SLC25A21: variants seen among roughly 807,000 people sequenced by gnomAD.
SLC25A21 encodes the protein mitochondrial 2-oxodicarboxylate carrier.
In SLC25A21, 47 loss-of-function variants were observed where a neutral mutation model predicts 43.8. That is an observed-to-expected ratio of 1.07 (90% confidence interval 0.85 to 1.37). The LOEUF (loss-of-function observed/expected upper bound fraction) is 1.37, where lower values mean the gene tolerates loss of function less well. Among genes scored for constraint, SLC25A21 ranks in the 40% most tolerant of loss-of-function variants. The pLI, the probability that SLC25A21 is intolerant of heterozygous loss-of-function variation, is 0.00. For missense variants in SLC25A21, 352 were observed against 350.2 expected (o/e 1.00, Z -0.04); for synonymous variants, 131 against 121.3 (o/e 1.08, Z -0.52).
chr14:36,735,963 G>T (rs1184070592), intron 3 of SLC25A21, among the ~76,000 whole-genome samples: 2 of 111,504 alleles, frequency 1.8e-5, no homozygotes, highest in Non-Finnish European at 1.7e-5. Flanking sequence ...TTGAGACCGA[G>T]TCTCACTCTG....
chr14:36,743,459 G>C (rs776147871), intron 3 of SLC25A21, among the ~76,000 whole-genome samples: 1 of 151,944 alleles, frequency 6.6e-6, no homozygotes, highest in Non-Finnish European at 1.5e-5. Flanking sequence ...TCTATTTCTT[G>C]GACTCGGACT....
intron 1 of SLC25A21, among the ~76,000 whole-genome samples, chr14:37,043,940 G>GTTTTTTTTTTTTTTTT (rs59081965): frequency 1.8e-5 from 1 of 56,760 alleles, no homozygotes; most frequent in African/African-American, 6.9e-5. Context: ...ATGTTTTTTT[G>GTTTTTTTTTTTTTTTT]TTTTTTTTTT....
intron 5 of SLC25A21, among the ~76,000 whole-genome samples, chr14:36,729,297 T>C (rs549443079): frequency 6.6e-6 from 1 of 152,328 alleles, no homozygotes; most frequent in Admixed American, 6.5e-5. Flanking sequence ...TTTCCAGACA[T>C]ATCATTATTA....
intron 1 of SLC25A21, among the ~76,000 whole-genome samples, chr14:37,069,610 T>A (rs1387615239): frequency 6.6e-6 from 1 of 152,082 alleles, no homozygotes; most frequent in Non-Finnish European, 1.5e-5. Flanking sequence ...CAGAAGTAAA[T>A]CATGCAAGGA....
intron 1 of SLC25A21, among the ~76,000 whole-genome samples, chr14:36,945,276 T>C (rs1001033341): frequency 7.9e-5 from 12 of 152,164 alleles, no homozygotes; most frequent in African/African-American, 2.9e-4. Context: ...AAATACAAGT[T>C]GATACCATGT....
At chr14:37,105,045 T>C (rs897836788) in intron 1 of SLC25A21, among the ~76,000 whole-genome samples, 1 of 152,246 alleles carries the variant, frequency 6.6e-6, no homozygotes, top group Admixed American at 6.5e-5. Flanking sequence ...TTTTTCTTTA[T>C]GTTTTTATCA....
At chr14:37,018,499 T>C (rs1200664033) in intron 1 of SLC25A21, among the ~76,000 whole-genome samples, 2 of 152,054 alleles carry the variant, frequency 1.3e-5, no homozygotes, top group African/African-American at 2.4e-5. Context: ...AAAGCTAGTG[T>C]TGGGGAAAGA....
chr14:37,004,209 A>G (rs1234546205), intron 1 of SLC25A21, among the ~76,000 whole-genome samples: 5 of 152,206 alleles, frequency 3.3e-5, no homozygotes, highest in Non-Finnish European at 7.3e-5. Flanking sequence ...TTGATGGTAA[A>G]AACAAATAAA....
chr14:37,069,022 A>G (rs1387797069), intron 1 of SLC25A21, among the ~76,000 whole-genome samples: 1 of 151,970 alleles, frequency 6.6e-6, no homozygotes, highest in Non-Finnish European at 1.5e-5. Flanking sequence ...AAAATACAAA[A>G]AAAAATTAGC....
chr14:37,127,579 C>CA (rs1963319474), intron 1 of SLC25A21, among the ~76,000 whole-genome samples: 1 of 152,080 alleles, frequency 6.6e-6, no homozygotes, highest in Non-Finnish European at 1.5e-5. Flanking sequence ...ACTGTTGGCA[C>CA]AAAGTTGAAA....
chr14:36,743,530 C>T (rs1478408761), intron 3 of SLC25A21, among the ~76,000 whole-genome samples: 1 of 151,984 alleles, frequency 6.6e-6, no homozygotes, highest in Non-Finnish European at 1.5e-5. Context: ...GAATATACCT[C>T]AAAATAATAA....
At chr14:36,693,080 G>A (rs1882859860) in intron 7 of SLC25A21, among the ~76,000 whole-genome samples, 1 of 152,236 alleles carries the variant, frequency 6.6e-6, no homozygotes, top group South Asian at 2.1e-4. Flanking sequence ...GCTGCAAGCT[G>A]GAGGTGGTAC....
intron 3 of SLC25A21, among the ~76,000 whole-genome samples, chr14:36,777,083 C>A (rs1404156260): frequency 6.6e-6 from 1 of 152,076 alleles, no homozygotes; most frequent in Non-Finnish European, 1.5e-5. Context: ...CATGGTGAAA[C>A]CCCGTCTCTA....
intron 3 of SLC25A21, among the ~76,000 whole-genome samples, chr14:36,752,950 T>C (rs1351287977): frequency 2.0e-5 from 3 of 152,214 alleles, no homozygotes; most frequent in African/African-American, 7.2e-5. Context: ...AGTCAATATA[T>C]AACCCAGTCT....
intron 2 of SLC25A21, among the ~76,000 whole-genome samples, chr14:36,868,734 A>G (rs1890283897): frequency 6.6e-6 from 1 of 152,134 alleles, no homozygotes; most frequent in Non-Finnish European, 1.5e-5. Flanking sequence ...CTTCAAATCA[A>G]TTTCTTACTC....
intron 1 of SLC25A21, among the ~76,000 whole-genome samples, chr14:36,988,595 A>T (rs1436483586): frequency 6.6e-6 from 1 of 152,188 alleles, no homozygotes; most frequent in Non-Finnish European, 1.5e-5. Context: ...ACTGGCATGG[A>T]GTTAACTGTT....
chr14:36,965,888 ATTGC>A (rs1959601355), intron 1 of SLC25A21, among the ~76,000 whole-genome samples: 1 of 152,174 alleles, frequency 6.6e-6, no homozygotes, highest in African/African-American at 2.4e-5. Flanking sequence ...GTATAATTTG[ATTGC>A]TTGTAACACA....
At chr14:36,998,158 T>C (rs1394173360) in intron 1 of SLC25A21, among the ~76,000 whole-genome samples, 1 of 152,208 alleles carries the variant, frequency 6.6e-6, no homozygotes, top group Non-Finnish European at 1.5e-5. Context: ...GTCTTGGACA[T>C]GCTGGTAAAG....
intron 1 of SLC25A21, among the ~76,000 whole-genome samples, chr14:36,993,076 T>C (rs116758048): frequency 1.7e-3 from 253 of 152,378 alleles, no homozygotes; most frequent in African/African-American, 5.8e-3. Context: ...TGAACATATT[T>C]ATTATTGCTT....
Sources: allele counts gnomAD v4.1 joint callset (sites outside exome capture counted in the v4.1 genomes callset), GRCh38; gene constraint gnomAD v4.1.1; transcripts MANE v1.5; gene names NCBI Gene and HGNC (gene_info 2026-07-23, HGNC 2026-07-21).